Variants in PTPRD observed in about 807,000 individuals in gnomAD.
PTPRD encodes protein tyrosine phosphatase receptor type D.
PTPRD carries 34 observed loss-of-function variants against 214.5 expected under a neutral mutation model. The ratio of observed to expected loss-of-function variants is 0.16; its 90% CI spans 0.12 to 0.21. The LOEUF (loss-of-function observed/expected upper bound fraction) is 0.21, where lower values mean the gene tolerates loss of function less well. PTPRD is among the 10% of genes least tolerant of loss of function. The pLI, the probability that PTPRD is intolerant of heterozygous loss-of-function variation, is 1.00. For missense variants in PTPRD, 2,545 were observed against 2,398.7 expected (o/e 1.06, Z -1.27); for synonymous variants, 1,128 against 845.7 (o/e 1.33, Z -5.79).
At chr9:8,391,695 C>CA (rs2089627195) in intron 36 of PTPRD, among the ~76,000 whole-genome samples, 3 of 152,052 alleles carry the variant, frequency 2.0e-5, no homozygotes, top group Admixed American at 2.0e-4. Context: ...ATACAGAAAA[C>CA]TTTTTTCTAA....
At chr9:9,456,406 A>T (rs973710170) in intron 8 of PTPRD, among the ~76,000 whole-genome samples, 2 of 151,876 alleles carry the variant, frequency 1.3e-5, no homozygotes, top group African/African-American at 4.8e-5. Flanking sequence ...AAACCATTCA[A>T]TTCCTCCCAA....
intron 11 of PTPRD, among the ~76,000 whole-genome samples, chr9:8,768,887 G>A (rs2094968789): frequency 6.6e-6 from 1 of 152,150 alleles, no homozygotes; most frequent in Non-Finnish European, 1.5e-5. Context: ...CAGTTTGCAA[G>A]GGACTAGTAC....
intron 7 of PTPRD, among the ~76,000 whole-genome samples, chr9:9,595,407 T>A (rs890219432): frequency 8.9e-4 from 130 of 146,732 alleles, no homozygotes; most frequent in African/African-American, 3.2e-3. Context: ...CATATATACA[T>A]ATATATACAA....
chr9:9,272,217 TG>T (rs975836521), intron 9 of PTPRD, among the ~76,000 whole-genome samples: 2 of 151,262 alleles, frequency 1.3e-5, no homozygotes, highest in African/African-American at 4.8e-5. Flanking sequence ...GAAATTACTC[TG>T]ATATGTGGGC....
chr9:9,682,787 T>C (rs569033995), intron 7 of PTPRD, among the ~76,000 whole-genome samples: 2 of 151,900 alleles, frequency 1.3e-5, no homozygotes, highest in East Asian at 1.9e-4. Context: ...TACCAGCACA[T>C]AGCCACGTGA....
At chr9:10,596,097 A>G (rs919641084) in intron 2 of PTPRD, among the ~76,000 whole-genome samples, 1 of 151,816 alleles carries the variant, frequency 6.6e-6, no homozygotes, top group Non-Finnish European at 1.5e-5. Context: ...ATTTATTCCT[A>G]CAAAAACACA....
chr9:9,630,850 T>C (rs1036768109), intron 7 of PTPRD, among the ~76,000 whole-genome samples: 9 of 152,190 alleles, frequency 5.9e-5, no homozygotes, highest in Non-Finnish European at 1.3e-4. Context: ...TCCCAGGACG[T>C]AGAATGTACT....
At chr9:9,968,440 A>G (rs1045154693) in intron 4 of PTPRD, among the ~76,000 whole-genome samples, 1 of 152,242 alleles carries the variant, frequency 6.6e-6, no homozygotes, top group African/African-American at 2.4e-5. Context: ...TCAAGAAAAT[A>G]TATTTGCATA....
intron 34 of PTPRD, among the ~76,000 whole-genome samples, chr9:8,448,466 T>C (rs560878978): frequency 6.6e-6 from 1 of 152,262 alleles, no homozygotes; most frequent in African/African-American, 2.4e-5. Context: ...CAAGTTGCCT[T>C]AATAAAGTAC....
chr9:8,885,735 G>A (rs1234011608), intron 11 of PTPRD, among the ~76,000 whole-genome samples: 2 of 151,894 alleles, frequency 1.3e-5, no homozygotes, highest in East Asian at 1.9e-4. Context: ...GATCTCAGGC[G>A]AACCACCCAC....
At chr9:8,354,834 CA>C (rs1455987218) in intron 39 of PTPRD, among the ~76,000 whole-genome samples, 1 of 152,298 alleles carries the variant, frequency 6.6e-6, no homozygotes, top group East Asian at 1.9e-4. Context: ...ACGATTCTAT[CA>C]ATCAATTTAG....
At chr9:8,894,974 C>A (rs1014949153) in intron 11 of PTPRD, among the ~76,000 whole-genome samples, 2 of 152,194 alleles carry the variant, frequency 1.3e-5, no homozygotes, top group African/African-American at 4.8e-5. Flanking sequence ...GGAATCAAGT[C>A]TCTTCACTTC....
chr9:9,245,850 T>A (rs1445746289), intron 9 of PTPRD, among the ~76,000 whole-genome samples: 1 of 152,068 alleles, frequency 6.6e-6, no homozygotes, highest in Non-Finnish European at 1.5e-5. Flanking sequence ...TGAGCAGAAA[T>A]AAATTTTCTC....
chr9:9,588,018 CAT>C (rs1324640823), intron 7 of PTPRD, among the ~76,000 whole-genome samples: 1 of 151,892 alleles, frequency 6.6e-6, no homozygotes, highest in African/African-American at 2.4e-5. Flanking sequence ...TATACCAACA[CAT>C]AGAAATAATA....
At chr9:8,505,624 CAAAAAAAA>C (rs954059567) in intron 22 of PTPRD, among the ~76,000 whole-genome samples, 1 of 55,742 alleles carries the variant, frequency 1.8e-5, no homozygotes, top group African/African-American at 8.3e-5. Flanking sequence ...GACTCTGTCT[CAAAAAAAA>C]AAAAAAAAAA....
At chr9:9,695,106 C>A (rs933743100) in intron 7 of PTPRD, among the ~76,000 whole-genome samples, 9 of 152,142 alleles carry the variant, frequency 5.9e-5, no homozygotes, top group African/African-American at 2.2e-4. Flanking sequence ...GAGCCCAAAG[C>A]CCATGGCATA....
chr9:10,549,382 G>A (rs942243370), intron 2 of PTPRD, among the ~76,000 whole-genome samples: 4 of 152,134 alleles, frequency 2.6e-5, no homozygotes, highest in African/African-American at 9.7e-5. Context: ...AGGAAAAAAG[G>A]AAAGGGGAAA....
chr9:10,240,052 A>G (rs1316596350), intron 3 of PTPRD, among the ~76,000 whole-genome samples: 2 of 152,000 alleles, frequency 1.3e-5, no homozygotes, highest in Admixed American at 1.3e-4. Context: ...AGGGATCAAG[A>G]AACATCTAAA....
At chr9:9,718,994 T>TG (rs1433438934) in intron 7 of PTPRD, among the ~76,000 whole-genome samples, 1 of 152,134 alleles carries the variant, frequency 6.6e-6, no homozygotes, top group African/African-American at 2.4e-5. Context: ...ACCTGAAGCC[T>TG]GGGGGCCAGG....
Sources: allele counts gnomAD v4.1 joint callset (sites outside exome capture counted in the v4.1 genomes callset), GRCh38; gene constraint gnomAD v4.1.1; transcripts MANE v1.5; gene names NCBI Gene and HGNC (gene_info 2026-07-23, HGNC 2026-07-21).